Variants in CTNND2 observed in about 807,000 individuals in gnomAD.
CTNND2 encodes catenin delta 2, also known as catenin delta-2.
Under a neutral mutation model 144.4 loss-of-function variants are expected in CTNND2, and 22 were observed. The observed-to-expected ratio is 0.15, with a 90% CI of 0.11 to 0.22. The LOEUF (loss-of-function observed/expected upper bound fraction) is 0.22, where lower values mean the gene tolerates loss of function less well. Ranked by LOEUF, CTNND2 falls within the 10% of genes least tolerant of loss-of-function variation. The pLI, the probability that CTNND2 is intolerant of heterozygous loss-of-function variation, is 1.00. For synonymous variants in CTNND2, 751 were observed against 695.6 expected, an observed-to-expected ratio of 1.08 and a Z score of -1.25; for missense variants, 1,353 against 1,618.8, an observed-to-expected ratio of 0.84 and a Z score of 2.82.
intron 9 of CTNND2, among the ~76,000 whole-genome samples, chr5:11,262,227 C>T (rs1744929534): frequency 6.6e-6 from 1 of 152,114 alleles, no homozygotes; most frequent in African/African-American, 2.4e-5. Flanking sequence ...TTCACAGTAA[C>T]TGACCCACCA....
At chr5:11,507,767 C>T (rs17218080) in intron 3 of CTNND2, among the ~76,000 whole-genome samples, 5,222 of 152,282 alleles carry the variant, frequency 0.034, 124 homozygotes, top group South Asian at 0.07. Flanking sequence ...AGAAGAAATA[C>T]GGTCGTGTGC....
At chr5:11,174,175 G>A (rs1014606572) in intron 11 of CTNND2, among the ~76,000 whole-genome samples, 1 of 152,184 alleles carries the variant, frequency 6.6e-6, no homozygotes, top group Non-Finnish European at 1.5e-5. Context: ...AGTTTGGGAT[G>A]TGTTAACGTT....
chr5:11,245,460 A>AGG (rs1443235794), intron 9 of CTNND2, among the ~76,000 whole-genome samples: 1 of 152,178 alleles, frequency 6.6e-6, no homozygotes, highest in Non-Finnish European at 1.5e-5. Context: ...GACTGGACGC[A>AGG]GAAGAGGGCA....
At chr5:11,283,382 G>C (rs1335690997) in intron 9 of CTNND2, among the ~76,000 whole-genome samples, 1 of 152,022 alleles carries the variant, frequency 6.6e-6, no homozygotes, top group African/African-American at 2.4e-5. Flanking sequence ...AGGAAAAAAA[G>C]AGGAGGGAAT....
At chr5:11,055,011 C>T (rs942061877) in intron 16 of CTNND2, among the ~76,000 whole-genome samples, 7 of 152,188 alleles carry the variant, frequency 4.6e-5, no homozygotes, top group African/African-American at 1.7e-4. Context: ...TGAAGCTGAG[C>T]AATGCCAAGG....
At chr5:11,690,868 C>T (rs1209997555) in intron 2 of CTNND2, among the ~76,000 whole-genome samples, 1 of 149,562 alleles carries the variant, frequency 6.7e-6, no homozygotes, top group Non-Finnish European at 1.5e-5. Flanking sequence ...GCCCTTTGGG[C>T]TTAATATGAA....
chr5:11,347,041 A>T (rs988585724), intron 8 of CTNND2, among the ~76,000 whole-genome samples: 6 of 152,240 alleles, frequency 3.9e-5, no homozygotes, highest in African/African-American at 1.4e-4. Flanking sequence ...TTAAAGATGT[A>T]AAATGAATTC....
chr5:11,533,216 G>C (rs1261672572), intron 3 of CTNND2, among the ~76,000 whole-genome samples: 1 of 152,212 alleles, frequency 6.6e-6, no homozygotes, highest in Non-Finnish European at 1.5e-5. Flanking sequence ...TCAAACGCAA[G>C]ACTTCCAATG....
chr5:11,142,338 A>G (rs931871380), intron 12 of CTNND2, among the ~76,000 whole-genome samples: 1 of 152,174 alleles, frequency 6.6e-6, no homozygotes. Flanking sequence ...GCCCTATTCC[A>G]CAGAGAAATT....
At chr5:11,239,197 G>A (rs1469042066) in intron 9 of CTNND2, among the ~76,000 whole-genome samples, 4 of 152,214 alleles carry the variant, frequency 2.6e-5, no homozygotes, top group Non-Finnish European at 5.9e-5. Context: ...TGGCTTACAC[G>A]GCATATGCCA....
intron 9 of CTNND2, among the ~76,000 whole-genome samples, chr5:11,268,371 C>T (rs1437148882): frequency 6.6e-6 from 1 of 152,172 alleles, no homozygotes. Flanking sequence ...TCACTTGAGG[C>T]CAAGAGTTCA....
chr5:11,300,144 G>T (rs1286119144), intron 9 of CTNND2, among the ~76,000 whole-genome samples: 2 of 152,248 alleles, frequency 1.3e-5, no homozygotes, highest in East Asian at 3.9e-4. Flanking sequence ...CAATCCTGTG[G>T]TTAACCCTCA....
intron 16 of CTNND2, among the ~76,000 whole-genome samples, chr5:11,060,979 C>T (rs1312646275): frequency 2.0e-5 from 3 of 151,868 alleles, no homozygotes; most frequent in Admixed American, 6.6e-5. Context: ...TTCTTTTTCA[C>T]ACTGATGACA....
At chr5:11,448,579 T>C (rs1765039522) in intron 3 of CTNND2, among the ~76,000 whole-genome samples, 2 of 152,182 alleles carry the variant, frequency 1.3e-5, no homozygotes, top group Non-Finnish European at 2.9e-5. Context: ...ACTATACCAA[T>C]ACAAGCAAAA....
At chr5:11,680,074 C>T (rs1406695213) in intron 2 of CTNND2, among the ~76,000 whole-genome samples, 4 of 151,986 alleles carry the variant, frequency 2.6e-5, no homozygotes, top group Non-Finnish European at 5.9e-5. Flanking sequence ...AACTAGGGGA[C>T]GTGGGTGGCA....
At chr5:11,878,792 A>C (rs549344072) in intron 1 of CTNND2, among the ~76,000 whole-genome samples, 1 of 152,216 alleles carries the variant, frequency 6.6e-6, no homozygotes, top group Admixed American at 6.5e-5. Flanking sequence ...AGACACCAAC[A>C]AAGAAAAAGC....
At position 11,525,554 on chromosome 5, in the gene CTNND2, C is replaced by T. The variant is rs74925230; in HGVS notation, c.287+39390G>A. ...ACCACAGAAATATCAAAAGCTAGGA[C>T]AAGAACAGCAGTACTGTGAACCACA... On this transcript the variant is annotated intron_variant, in intron 3 of 21. Coordinates refer to ENST00000304623, the MANE Select transcript of CTNND2 (RefSeq NM_001332.4). 9.4e-3 allele frequency among the ~76,000 whole-genome samples: 1,437 copies of T among 152,290 alleles called. 19 individuals carry two copies. Among genetic ancestry groups the T allele is most frequent in the African/African-American group, 0.031 (1,309 of 41,558 alleles).
chr5:11,038,304 C>T (rs546245250), intron 16 of CTNND2, among the ~76,000 whole-genome samples: 4 of 152,108 alleles, frequency 2.6e-5, no homozygotes, highest in Non-Finnish European at 5.9e-5. Flanking sequence ...GCCTGAGCTT[C>T]GCCTTCTGTC....
At chr5:11,734,089 G>A (rs1265476529) in intron 1 of CTNND2, among the ~76,000 whole-genome samples, 1 of 152,134 alleles carries the variant, frequency 6.6e-6, no homozygotes, top group African/African-American at 2.4e-5. Flanking sequence ...CTATAAACCA[G>A]AAAGTCGGCC....
Sources: allele counts gnomAD v4.1 joint callset (sites outside exome capture counted in the v4.1 genomes callset), GRCh38; gene constraint gnomAD v4.1.1; transcripts MANE v1.5; gene names NCBI Gene and HGNC (gene_info 2026-07-23, HGNC 2026-07-21).